TDRD12: variants seen among roughly 807,000 people sequenced by gnomAD.
The protein encoded by TDRD12 is tudor domain containing 12.
TDRD12 carries 158 observed loss-of-function variants against 133.5 expected under a neutral mutation model. The ratio of observed to expected loss-of-function variants is 1.18; its 90% confidence interval spans 1.04 to 1.35. The LOEUF (loss-of-function observed/expected upper bound fraction) is 1.35. Among genes scored for constraint, TDRD12 ranks in the 40% most tolerant of loss-of-function variants. TDRD12 has a pLI of 0.00. For synonymous variants in TDRD12, 460 were observed against 477.9 expected (o/e 0.96, Z 0.49); for missense variants, 1,443 against 1,321.3 (o/e 1.09, Z -1.43).
intron 21 of TDRD12, among the ~76,000 whole-genome samples, chr19:32,803,701 A>G (rs1037863917): frequency 9.2e-5 from 14 of 152,212 alleles, no homozygotes; most frequent in African/African-American, 3.4e-4. Context: ...CGGTCTGGTC[A>G]GTACTGTCTG....
intron 8 of TDRD12, among the ~76,000 whole-genome samples, chr19:32,769,824 CG>C (rs1260195445): frequency 6.6e-6 from 1 of 151,818 alleles, no homozygotes; most frequent in African/African-American, 2.4e-5. Flanking sequence ...TTAGTAGAGA[CG>C]GGGTTTGTCC....
rs75826661 is a variant in TDRD12 at position 32,726,024 on chromosome 19, G to A, written c.25-5701G>A. Among the ~76,000 whole-genome samples, 34 of 151,880 alleles carry A rather than the reference G, an allele frequency of 2.2e-4. 1 individual carries two copies. In the East Asian group the frequency reaches 6.2e-3, roughly 28 times the overall value. On this transcript the variant is annotated intron_variant, in intron 1 of 27. Coordinates refer to ENST00000444215, the Ensembl canonical transcript of TDRD12. Reference sequence around the variant, plus strand: ...TTTTTTATTGTAAAAAACATGTAACGAAGTTTGCCATCTCAACCATTTTTA... The same window carrying A: ...TTTTTTATTGTAAAAAACATGTAACAAAGTTTGCCATCTCAACCATTTTTA...
At chr19:32,756,899 C>A in intron 7 of TDRD12, 139 bp from the exon 8 acceptor site, 1 of 631,570 alleles carries the variant, frequency 1.6e-6, no homozygotes, top group Non-Finnish European at 2.8e-6. Flanking sequence ...GTTTTTAGTC[C>A]CCTCACCTTG....
intron 16 of TDRD12, among the ~76,000 whole-genome samples, chr19:32,798,809 T>G (rs548478525): frequency 6.6e-6 from 1 of 152,330 alleles, no homozygotes; most frequent in Non-Finnish European, 1.5e-5. Context: ...TTGCTTCTTT[T>G]TCTTTGAATT....
At chr19:32,724,444 A>G (rs1968793972) in intron 1 of TDRD12, among the ~76,000 whole-genome samples, 2 of 152,012 alleles carry the variant, frequency 1.3e-5, no homozygotes, top group Admixed American at 1.3e-4. Flanking sequence ...CTCATTGTTC[A>G]GCTCCTGTTT....
At position 32,749,718 on chromosome 19, in the gene TDRD12, TCGTC is replaced by T. The variant is rs1431035052; in HGVS notation, c.497-65_497-62del. The T allele has an allele frequency of 1.5e-5, 19 of 1,266,176 alleles. No individual in the cohort carries two copies. In the African/African-American group the frequency reaches 2.7e-4, roughly 18 times the overall value. The allele number at this position is 1,266,176 out of a possible 1,614,324, so 78.4% of individuals were successfully genotyped here. On this transcript the variant is annotated intron_variant, in intron 5 of 27. Coordinates refer to ENST00000444215, the Ensembl canonical transcript of TDRD12. ...TTAGCAGAGGTTACTAGGTGGGAAA[TCGTC>T]ATGATTGTTTCAAATATACTTTTAA...
chr19:32,748,383 G>A, intron 4 of TDRD12, 93 bp from the exon 5 acceptor site: 1 of 1,264,718 alleles, frequency 7.9e-7, no homozygotes, highest in Non-Finnish European at 1.1e-6. Flanking sequence ...CATATGTAGT[G>A]TGAGAAATGT....
At chr19:32,740,814 GGT>G (rs1415269228) in intron 3 of TDRD12, among the ~76,000 whole-genome samples, 1 of 152,152 alleles carries the variant, frequency 6.6e-6, no homozygotes, top group African/African-American at 2.4e-5. Context: ...AATGAGGGAG[GGT>G]GTGACCATCA....
exon 2 of TDRD12, chr19:32,731,748 G>C: frequency 6.5e-7 from 1 of 1,544,424 alleles, no homozygotes; most frequent in Non-Finnish European, 8.7e-7. Context: ...GTTGCTTCTG[G>C]GTTATTATAA....
At chr19:32,802,993 T>C (rs1443953457) in exon 21 of TDRD12, 2 of 1,536,026 alleles carry the variant, frequency 1.3e-6, no homozygotes, top group Non-Finnish European at 8.7e-7. Flanking sequence ...ATGCGAGCCA[T>C]GCGGTGGGCG....
At chr19:32,750,840 T>C (rs1258802373) in intron 6 of TDRD12, among the ~76,000 whole-genome samples, 1 of 152,250 alleles carries the variant, frequency 6.6e-6, no homozygotes, top group African/African-American at 2.4e-5. Context: ...ATTAAGGCTA[T>C]GCATTTTTGG....
exon 24 of TDRD12, chr19:32,811,244 G>A (rs1400757182): frequency 2.6e-6 from 4 of 1,536,044 alleles, no homozygotes; most frequent in South Asian, 2.4e-5. Flanking sequence ...AAAAGAAGAC[G>A]CCTGGGCCCT....
At position 32,813,669 on chromosome 19, in the gene TDRD12, A is replaced by T; in HGVS notation, c.3049-15A>T. On this transcript the variant is annotated splice_polypyrimidine_tract_variant and intron_variant, in intron 24 of 27. Transcript: ENST00000444215. The stretch of plus-strand genomic sequence containing the variant: ...TTAAAGCCTCACCTAAAATAATGTT[A>T]AGTGCTTTTTTCAGGTTACTAGGTA... The T allele has an allele frequency of 1.4e-6, 2 of 1,443,802 alleles. No homozygotes were observed. The highest frequency in any genetic ancestry group is 1.9e-6 in the Non-Finnish European group (2 of 1,067,682). 89.4% of individuals were successfully genotyped at this position (1,443,802 alleles called of 1,614,324 possible).
chr19:32,720,162 A>T (rs1259797240), intron 1 of TDRD12, 66 bp downstream of exon 1: 2 of 1,189,984 alleles, frequency 1.7e-6, no homozygotes, highest in African/African-American at 2.9e-5. Context: ...CCAGCCGCGC[A>T]CAGCCTCCCA....
At chr19:32,751,577 C>G (rs184058598) in intron 6 of TDRD12, among the ~76,000 whole-genome samples, 1 of 151,220 alleles carries the variant, frequency 6.6e-6, no homozygotes, top group African/African-American at 2.4e-5. Flanking sequence ...CCTCTCCTTC[C>G]TTCCCCTCCC....
chr19:32,793,793 CTTT>C (rs766973591), intron 13 of TDRD12, among the ~76,000 whole-genome samples: 5 of 116,102 alleles, frequency 4.3e-5, no homozygotes, highest in South Asian at 2.9e-4. Flanking sequence ...AAGCAAGAAT[CTTT>C]TTTTTTTTTT....
chr19:32,816,043 C>G (rs934675966), intron 26 of TDRD12, among the ~76,000 whole-genome samples: 2 of 151,938 alleles, frequency 1.3e-5, no homozygotes, highest in Non-Finnish European at 2.9e-5. Context: ...CTCCATGTAC[C>G]CATCACTCAG....
chr19:32,788,483 C>A lies in TDRD12; in HGVS notation c.1122-2048C>A, dbSNP rs536133697. Reference sequence around the variant, plus strand: ...TTATTGTGTTTTTTATTTCTAATATCACGTTTTTAATTTGCAAGGGTTTTC... The same window carrying A: ...TTATTGTGTTTTTTATTTCTAATATAACGTTTTTAATTTGCAAGGGTTTTC... On this transcript the variant is annotated intron_variant, in intron 11 of 27. Coordinates refer to ENST00000444215, the Ensembl canonical transcript of TDRD12. Among the ~76,000 whole-genome samples the A allele has an allele frequency of 2.6e-5, 4 of 152,190 alleles. No homozygotes were observed. In the East Asian group the frequency reaches 7.7e-4, roughly 29 times the overall value.
At chr19:32,753,715 C>T (rs934803102) in intron 6 of TDRD12, among the ~76,000 whole-genome samples, 2 of 136,382 alleles carry the variant, frequency 1.5e-5, no homozygotes, top group South Asian at 2.3e-4. Context: ...GACAGGGTTT[C>T]ACTGTGTTAG....
Sources: allele counts gnomAD v4.1 joint callset (sites outside exome capture counted in the v4.1 genomes callset), GRCh38; gene constraint gnomAD v4.1.1; transcripts MANE v1.5; gene names NCBI Gene and HGNC (gene_info 2026-07-23, HGNC 2026-07-21).